The following CAMK2A variants were observed in gnomAD, a reference collection of about 807,000 sequenced individuals.
CAMK2A encodes the protein calcium/calmodulin-dependent protein kinase type II subunit alpha.
Under a neutral mutation model 79.2 loss-of-function variants are expected in CAMK2A, and 7 were observed. That is an observed-to-expected ratio of 0.09 (90% CI 0.05 to 0.17). The LOEUF (loss-of-function observed/expected upper bound fraction) is 0.17, where lower values mean the gene tolerates loss of function less well. Ranked by LOEUF, CAMK2A falls within the 10% of genes least tolerant of loss-of-function variation. The pLI is 1.00. For synonymous variants in CAMK2A, 242 were observed against 251.7 expected (o/e 0.96, Z 0.36); for missense variants, 214 against 646.4 (o/e 0.33, Z 7.25).
chr5:150,269,316 C>A (rs1214642186), intron 2 of CAMK2A, among the ~76,000 whole-genome samples: 1 of 152,140 alleles, frequency 6.6e-6, no homozygotes, highest in African/African-American at 2.4e-5. Flanking sequence ...GGTGGATGGA[C>A]ATTCTGGGGT....
rs949919539 is a variant in CAMK2A, at chr5:150,223,901, G to A, written c.1238-684C>T. ...CATATCTACAGTTCAGACACGGCCC[G>A]TGGGCCTGTCTGAAGTATATCTACT... On this transcript the variant is annotated intron_variant, in intron 17 of 18. Transcript: ENST00000671881. The surrounding 1 kb of genome is among the most constrained non-coding windows in gnomAD (Gnocchi z 4.1). 5.9e-5 allele frequency among the ~76,000 whole-genome samples: 9 copies of A among 152,190 alleles called. No homozygotes were observed. Among genetic ancestry groups the A allele is most frequent in the African/African-American group, 1.7e-4 (7 of 41,442 alleles).
intron 6 of CAMK2A, among the ~76,000 whole-genome samples, chr5:150,254,525 T>C (rs1054928059): frequency 6.6e-6 from 1 of 152,200 alleles, no homozygotes; most frequent in Non-Finnish European, 1.5e-5. Context: ...GGCTTATACA[T>C]GGGGCCAGCA....
At position 150,284,806 on chromosome 5, in the gene CAMK2A, C is replaced by A. The variant is rs1458027336; in HGVS notation, c.62+4758G>T. The stretch of plus-strand genomic sequence containing the variant: ...CTCTCTGAGTGTTGGCTCCCAGAGA[C>A]CAAGGCAAGGACCATCTATGCAATG... On this transcript the variant is annotated intron_variant, in intron 1 of 18. Coordinates refer to ENST00000671881, the MANE Select transcript of CAMK2A (RefSeq NM_015981.4). The surrounding 1 kb of genome is among the most constrained non-coding windows in gnomAD (Gnocchi z 5.3). 6.6e-6 allele frequency among the ~76,000 whole-genome samples: 1 copy of A among 152,130 alleles called. No homozygotes were observed. The highest frequency in any genetic ancestry group is 2.4e-5 in the African/African-American group (1 of 41,426).
At position 150,275,814 on chromosome 5, in the gene CAMK2A, A is replaced by G. The variant is rs371270158; in HGVS notation, c.63-2655T>C. On this transcript the variant is annotated intron_variant, in intron 1 of 18. Coordinates refer to ENST00000671881, the MANE Select transcript of CAMK2A (RefSeq NM_015981.4). ...GGTGTGTCACCTTCGGGGTATGTGG[A>G]TGTTTTCACCAAACCAGAAGGTCTC... 7.5e-5 allele frequency among the ~76,000 whole-genome samples: 11 copies of G among 147,330 alleles called. No homozygotes were observed. In the East Asian group the frequency reaches 1.6e-3, roughly 21 times the overall value.
intron 2 of CAMK2A, among the ~76,000 whole-genome samples, chr5:150,270,440 G>T (rs561255582): frequency 5.3e-5 from 8 of 152,166 alleles, no homozygotes; most frequent in Non-Finnish European, 7.3e-5. Context: ...TTTGGGAACC[G>T]CTTGCTAGAA....
intron 1 of CAMK2A, among the ~76,000 whole-genome samples, 187 bp downstream of exon 1, chr5:150,289,377 A>G (rs1006827850): frequency 3.0e-4 from 45 of 152,132 alleles, no homozygotes; most frequent in Non-Finnish European, 2.9e-5. Flanking sequence ...ACATCTGTGC[A>G]CCCACAAACA....
At chr5:150,264,669 C>A (rs1756433835) in intron 3 of CAMK2A, among the ~76,000 whole-genome samples, 1 of 152,176 alleles carries the variant, frequency 6.6e-6, no homozygotes, top group Non-Finnish European at 1.5e-5. Context: ...TCCCCCTGGC[C>A]TATTTTCATC....
At chr5:150,277,872 A>G (rs1757017835) in intron 1 of CAMK2A, among the ~76,000 whole-genome samples, 1 of 152,214 alleles carries the variant, frequency 6.6e-6, no homozygotes, top group Non-Finnish European at 1.5e-5. Context: ...CTGATCTCCC[A>G]TTTAATAGAT....
At chr5:150,253,234 C>T (rs751767632) in intron 7 of CAMK2A, among the ~76,000 whole-genome samples, 1 of 152,166 alleles carries the variant, frequency 6.6e-6, no homozygotes, top group African/African-American at 2.4e-5. Context: ...TGTGGAAGGC[C>T]GTAGGGTCCC....
intron 12 of CAMK2A, among the ~76,000 whole-genome samples, chr5:150,246,522 A>G (rs903794637): frequency 2.0e-5 from 3 of 152,212 alleles, no homozygotes; most frequent in Non-Finnish European, 4.4e-5. Flanking sequence ...TCATTCAAAA[A>G]AATTTTTAAA....
chr5:150,222,875 C>T (rs1259376720), intron 18 of CAMK2A, 114 bp downstream of exon 18: 2 of 1,389,624 alleles, frequency 1.4e-6, no homozygotes, highest in Non-Finnish European at 2.0e-6. Flanking sequence ...GTCTCCCCAC[C>T]CCACTCTGCA....
intron 9 of CAMK2A, 122 bp from the exon 10 acceptor site, chr5:150,250,932 A>C: frequency 8.8e-7 from 1 of 1,140,504 alleles, no homozygotes; most frequent in Non-Finnish European, 1.3e-6. Flanking sequence ...GGACATCCAC[A>C]CCAGGAGGAG....
At chr5:150,228,804 G>T (rs1157113358) in intron 16 of CAMK2A, among the ~76,000 whole-genome samples, 1 of 152,168 alleles carries the variant, frequency 6.6e-6, no homozygotes, top group Non-Finnish European at 1.5e-5. Context: ...TTTGAACAAA[G>T]GTGCCCTATT....
chr5:150,255,756 G>T (rs144203596), intron 6 of CAMK2A, among the ~76,000 whole-genome samples: 70 of 152,360 alleles, frequency 4.6e-4, no homozygotes, highest in Admixed American at 3.5e-3. Flanking sequence ...GCTGGATAGA[G>T]TGACCTTTTG....
At position 150,223,979 on chromosome 5, in the gene CAMK2A, G is replaced by A. The variant is rs1182393970; in HGVS notation, c.1238-762C>T. On this transcript the variant is annotated intron_variant, in intron 17 of 18. Transcript: ENST00000671881. This position sits in a 1 kb window ranked among gnomAD's most constrained non-coding sequence, Gnocchi z 4.1. ...ATATACAGAATTGTGGAAACGTGGA[G>A]GAATATGAAAATTGTAGAATCTTAG... 6.6e-6 allele frequency among the ~76,000 whole-genome samples: 1 copy of A among 152,146 alleles called. No individual in the cohort carries two copies. Among genetic ancestry groups the A allele is most frequent in the Non-Finnish European group, 1.5e-5 (1 of 68,036 alleles).
intron 15 of CAMK2A, among the ~76,000 whole-genome samples, chr5:150,233,791 T>C (rs1754945822): frequency 6.6e-6 from 1 of 151,996 alleles, no homozygotes; most frequent in Non-Finnish European, 1.5e-5. Flanking sequence ...TTTTGTTTGT[T>C]TGTGTTTTTG....
At chr5:150,248,896 G>A (rs564883852) in intron 11 of CAMK2A, among the ~76,000 whole-genome samples, 220 of 152,244 alleles carry the variant, frequency 1.4e-3, no homozygotes, top group South Asian at 3.3e-3. Flanking sequence ...AGCAGGCTGG[G>A]GGCTAATGGC....
intron 4 of CAMK2A, 101 bp downstream of exon 4, chr5:150,257,462 T>A (rs1199932191): frequency 5.7e-6 from 6 of 1,057,514 alleles, no homozygotes; most frequent in Non-Finnish European, 8.6e-6. Context: ...GGGGAAACTC[T>A]GGACCACAAG....
chr5:150,264,574 G>A (rs756587500), intron 3 of CAMK2A, among the ~76,000 whole-genome samples: 2 of 152,238 alleles, frequency 1.3e-5, no homozygotes, highest in Admixed American at 6.5e-5. Context: ...CCAGGTCGAC[G>A]GAGGAGGGCA....
Sources: gnomAD v4.1 joint callset for allele counts (sites outside exome capture counted in the v4.1 genomes callset) on GRCh38, gnomAD v4.1.1 for gene constraint, Gnocchi (gnomAD v3.1) non-coding constraint, MANE v1.5 for transcripts, NCBI Gene and HGNC (gene_info 2026-07-23, HGNC 2026-07-21) for gene names.